GUCA1A: variants seen among roughly 807,000 people sequenced by gnomAD.
The protein encoded by GUCA1A is guanylyl cyclase-activating protein 1.
In GUCA1A, 14 loss-of-function variants were observed where a neutral mutation model predicts 18.5. The ratio of observed to expected loss-of-function variants is 0.76; its 90% CI spans 0.50 to 1.18. The LOEUF (loss-of-function observed/expected upper bound fraction) is 1.18, where lower values mean the gene tolerates loss of function less well. Among genes scored for constraint, GUCA1A ranks in the 50% most tolerant of loss-of-function variants. The pLI is 0.00. For synonymous variants in GUCA1A, 97 were observed against 100.2 expected, an observed-to-expected ratio of 0.97 and a Z score of 0.19; for missense variants, 264 against 262.4, an observed-to-expected ratio of 1.01 and a Z score of -0.04.
At position 42,173,586 on chromosome 6, in the gene GUCA1A, A is replaced by T; in HGVS notation, c.-28A>T. 1.3e-6 allele frequency: 2 copies of T among 1,590,080 alleles called. No individual in the cohort carries two copies. Among genetic ancestry groups the T allele is most frequent in the Non-Finnish European group, 1.7e-6 (2 of 1,159,006 alleles). ...GCAGCGAACAGGGCCTGTCCATCTC[A>T]GACGTCAGCCCCCTGAAGGCCTGAG... On this transcript the variant is annotated 5_prime_UTR_variant, in exon 1 of 4. Transcript: ENST00000372958.
intron 1 of GUCA1A, 86 bp from the exon 2 acceptor site, chr6:42,178,193 GC>G: frequency 2.0e-6 from 3 of 1,506,920 alleles, no homozygotes; most frequent in Non-Finnish European, 2.7e-6. Context: ...GCCGAGATGG[GC>G]GGAGCCTTGG....
At chr6:42,176,106 A>G (rs1178352830) in intron 1 of GUCA1A, among the ~76,000 whole-genome samples, 2 of 152,080 alleles carry the variant, frequency 1.3e-5, no homozygotes, top group Non-Finnish European at 2.9e-5. Context: ...TGTCTTGTTC[A>G]CTGTTGAATC....
rs755179417 is a variant in GUCA1A at position 42,173,841 on chromosome 6, GGGAAGT to G, written c.201+29_201+34del. ...TGAGCAGGGGCCCAGTGGCAGGGAGGGGAAGTGCTGGAGGGACCCCTCTGGAAGCCT... is the reference window on the plus strand; with the variant it reads ...TGAGCAGGGGCCCAGTGGCAGGGAGGGCTGGAGGGACCCCTCTGGAAGCCT... On this transcript the variant is annotated intron_variant, in intron 1 of 3. Transcript: ENST00000372958. The G allele has an allele frequency of 5.1e-6, 8 of 1,567,778 alleles. No individual in the cohort carries two copies. The South Asian group carries it at 8.9e-5, about 17-fold the overall frequency.
intron 1 of GUCA1A, among the ~76,000 whole-genome samples, chr6:42,174,506 T>C (rs3793084): frequency 0.25 from 37,846 of 152,104 alleles, 5,652 homozygotes; most frequent in African/African-American, 0.42. Flanking sequence ...TTGTGTCTCC[T>C]CAGTAGCCAC....
intron 1 of GUCA1A, among the ~76,000 whole-genome samples, chr6:42,175,423 T>G (rs1251626127): frequency 7.2e-6 from 1 of 139,544 alleles, no homozygotes; most frequent in Non-Finnish European, 1.5e-5. Flanking sequence ...TGCAGTGGCG[T>G]GATCTCGGCT....
intron 1 of GUCA1A, among the ~76,000 whole-genome samples, chr6:42,175,483 G>T (rs558211727): frequency 4.1e-5 from 6 of 147,640 alleles, no homozygotes; most frequent in Non-Finnish European, 8.9e-5. Flanking sequence ...GCCTCACTCA[G>T]CCTCTCAAGT....
At chr6:42,174,940 G>A (rs921021520) in intron 1 of GUCA1A, among the ~76,000 whole-genome samples, 1 of 152,198 alleles carries the variant, frequency 6.6e-6, no homozygotes, top group Admixed American at 6.5e-5. Context: ...GGGCTCAGTG[G>A]CTATTTAAAA....
chr6:42,179,176 G>T, intron 3 of GUCA1A, 67 bp from the exon 4 acceptor site: 1 of 1,461,432 alleles, frequency 6.8e-7, no homozygotes, highest in South Asian at 1.1e-5. Context: ...GCAAGAACCC[G>T]GTTCTGTGCT....
intron 3 of GUCA1A, 111 bp from the exon 4 acceptor site, chr6:42,179,132 A>T: frequency 9.4e-7 from 1 of 1,063,256 alleles, no homozygotes; most frequent in Non-Finnish European, 1.5e-6. Flanking sequence ...AGGGGCTCTG[A>T]CTTCTCCTCA....
chr6:42,179,544 A>G lies in GUCA1A; in HGVS notation c.*141A>G. 1.5e-6 allele frequency: 1 copy of G among 686,778 alleles called. No homozygotes were observed. 42.5% of individuals were successfully genotyped at this position (686,778 alleles called of 1,614,324 possible). ...TCTTTAGGGTCCATGGTGGCAGCAG[A>G]GAGGCAGAAGTGGGAGTCCAGAGCC... On this transcript the variant is annotated 3_prime_UTR_variant, in exon 4 of 4. Transcript: ENST00000372958.
At chr6:42,175,707 T>C (rs1767941476) in intron 1 of GUCA1A, among the ~76,000 whole-genome samples, 1 of 152,176 alleles carries the variant, frequency 6.6e-6, no homozygotes, top group Non-Finnish European at 1.5e-5. Context: ...CCACCTGTAC[T>C]GTACCAAACC....
chr6:42,173,621 A>G lies in GUCA1A; in HGVS notation c.8A>G (p.Asn3Ser). The change falls in exon 1 of 4, where the codon AAC becomes AGC. Residue 3 changes from asparagine (N) to serine (S), a missense_variant. Transcript: ENST00000372958. Reference protein sequence around the residue: MGNVMEGKSVEEL... With the variant: MGSVMEGKSVEEL... ...CCCCTGAAGGCCTGAGCAATGGGCA[A>G]CGTGATGGAGGGAAAGTCAGTGGAG... 1 of 1,613,832 alleles carries G rather than the reference A, an allele frequency of 6.2e-7. No individual in the cohort carries two copies. The highest frequency in any genetic ancestry group is 8.5e-7 in the Non-Finnish European group (1 of 1,179,800).
At chr6:42,175,692 G>A (rs1013149181) in intron 1 of GUCA1A, among the ~76,000 whole-genome samples, 2 of 152,080 alleles carry the variant, frequency 1.3e-5, no homozygotes, top group Non-Finnish European at 2.9e-5. Flanking sequence ...TGTCCCATGC[G>A]AGCACCACCT....
chr6:42,173,925 G>A, intron 1 of GUCA1A, 111 bp downstream of exon 1: 1 of 786,826 alleles, frequency 1.3e-6, no homozygotes, highest in Non-Finnish European at 2.2e-6. Flanking sequence ...GTCCGCTGGG[G>A]AGCAACTTCA....
At chr6:42,176,624 G>T (rs1462473025) in intron 1 of GUCA1A, among the ~76,000 whole-genome samples, 1 of 152,096 alleles carries the variant, frequency 6.6e-6, no homozygotes, top group Non-Finnish European at 1.5e-5. Context: ...AGTAGAGACA[G>T]GTTTTCACCA....
At position 42,179,225 on chromosome 6, in the gene GUCA1A, CCTTT is replaced by C; in HGVS notation, c.446-15_446-12del. The C allele has an allele frequency of 6.2e-7, 1 of 1,611,194 alleles. No individual in the cohort carries two copies. The highest frequency in any genetic ancestry group is 8.5e-7 in the Non-Finnish European group (1 of 1,177,346). ...ATGAACACCCTCCTCCCCCTGATTC[CCTTT>C]CTCTCTACCCCAGGGGAACTCTCCC... On this transcript the variant is annotated splice_polypyrimidine_tract_variant and intron_variant, in intron 3 of 3. Transcript: ENST00000372958.
chr6:42,178,916 C>T (rs1002845810), intron 3 of GUCA1A, 21 bp downstream of exon 3: 16 of 1,567,414 alleles, frequency 1.0e-5, no homozygotes, highest in Non-Finnish European at 1.4e-5. Flanking sequence ...CGAGGAGGGG[C>T]TCCCCAGCGG....
Position 42,178,394 on chromosome 6 carries a change from T to C in GUCA1A, c.316T>C (p.Cys106Arg). The C allele has an allele frequency of 6.2e-7, 1 of 1,614,122 alleles. No individual in the cohort carries two copies. Among genetic ancestry groups the C allele is most frequent in the Non-Finnish European group, 8.5e-7 (1 of 1,179,978 alleles). The change falls in exon 2 of 4, where the codon TGC (cysteine) becomes CGC (arginine). Residue 106 changes from cysteine (C) to arginine (R), a missense_variant. Transcript: ENST00000372958. The part of the protein sequence containing the change: ...FKLYDVDGNG[C>R]IDRDELLTII... Reference sequence around the variant, plus strand: ...GCTCTATGATGTAGATGGCAACGGCTGCATTGACCGCGATGAGCTGCTCAC... The same window carrying C: ...GCTCTATGATGTAGATGGCAACGGCCGCATTGACCGCGATGAGCTGCTCAC...
chr6:42,179,202 G>GT (rs773850566), intron 3 of GUCA1A, 41 bp from the exon 4 acceptor site: 1 of 1,589,536 alleles, frequency 6.3e-7, no homozygotes, highest in East Asian at 2.2e-5. Context: ...CTGCAGAAAT[G>GT]AACACCCTCC....
Sources: allele counts gnomAD v4.1 joint callset (sites outside exome capture counted in the v4.1 genomes callset), GRCh38; gene constraint gnomAD v4.1.1; transcripts MANE v1.5; gene names NCBI Gene and HGNC (gene_info 2026-07-23, HGNC 2026-07-21).